Variants in PRUNE2 observed in about 807,000 individuals in gnomAD.
PRUNE2 encodes the protein prune homolog 2 with BCH domain, also known as protein prune homolog 2.
PRUNE2 carries 164 observed loss-of-function variants against 252.0 expected under a neutral mutation model. That is an observed-to-expected ratio of 0.65 (90% CI 0.57 to 0.74). The LOEUF is 0.74. Ranked by LOEUF, PRUNE2 falls within the 30% of genes least tolerant of loss-of-function variation. The pLI is 0.00. For synonymous variants in PRUNE2, 1,292 were observed against 1,350.2 expected (o/e 0.96, Z 0.94); for missense variants, 3,495 against 3,711.0 (o/e 0.94, Z 1.51).
At chr9:76,788,146 C>A (rs928748513) in intron 6 of PRUNE2, among the ~76,000 whole-genome samples, 1 of 152,186 alleles carries the variant, frequency 6.6e-6, no homozygotes, top group Admixed American at 6.5e-5. Flanking sequence ...TTATAACTCA[C>A]AGGACCTATT....
At chr9:76,645,455 T>C (rs1844419215) in intron 11 of PRUNE2, among the ~76,000 whole-genome samples, 1 of 151,288 alleles carries the variant, frequency 6.6e-6, no homozygotes. Flanking sequence ...GGACATAAAT[T>C]TGATATTACT....
rs572475578 is a variant in PRUNE2 at position 76,792,937 on chromosome 9, C to T, written c.756+30695G>A. 1.6e-4 allele frequency among the ~76,000 whole-genome samples: 24 copies of T among 152,242 alleles called. No individual in the cohort carries two copies. In the East Asian group the frequency reaches 4.4e-3, roughly 28 times the overall value. Reference sequence around the variant, plus strand: ...CTAGCAAGGTACTTCATTTTAATTACATTTTCTCTAATGTCCTTGGTGTCC... The same window carrying T: ...CTAGCAAGGTACTTCATTTTAATTATATTTTCTCTAATGTCCTTGGTGTCC... On this transcript the variant is annotated intron_variant, in intron 6 of 18. Coordinates refer to ENST00000376718, the MANE Select transcript of PRUNE2 (RefSeq NM_015225.3).
intron 18 of PRUNE2, 58 bp downstream of exon 18, chr9:76,619,282 G>C: frequency 8.6e-7 from 1 of 1,158,430 alleles, no homozygotes; most frequent in South Asian, 1.3e-5. Flanking sequence ...TTCTTTCAGA[G>C]CCCAGCCATA....
intron 11 of PRUNE2, chr9:76,651,945 G>A (rs1564464937): frequency 6.6e-6 from 1 of 152,334 alleles, no homozygotes; most frequent in South Asian, 2.1e-4. Flanking sequence ...CACTGGGACA[G>A]AGAGTGACTA....
chr9:76,723,906 C>A (rs2047865094), intron 6 of PRUNE2, among the ~76,000 whole-genome samples: 1 of 149,428 alleles, frequency 6.7e-6, no homozygotes, highest in Admixed American at 6.7e-5. Flanking sequence ...CTTCTGGGTT[C>A]ACGCCCTTCT....
intron 1 of PRUNE2, among the ~76,000 whole-genome samples, chr9:76,861,566 G>A (rs575003900): frequency 5.7e-4 from 87 of 152,168 alleles, no homozygotes; most frequent in African/African-American, 1.5e-3. Flanking sequence ...AGTTCCCCCC[G>A]GTCAGGCTTC....
intron 12 of PRUNE2, among the ~76,000 whole-genome samples, chr9:76,640,769 C>T (rs756373219): frequency 3.3e-5 from 5 of 152,204 alleles, no homozygotes; most frequent in African/African-American, 1.2e-4. Flanking sequence ...TCATACCGCA[C>T]AGATAAGCAA....
intron 15 of PRUNE2, among the ~76,000 whole-genome samples, chr9:76,635,401 T>C (rs772241999): frequency 5.3e-4 from 81 of 152,218 alleles, no homozygotes; most frequent in Admixed American, 1.2e-3. Context: ...AAATTATTAA[T>C]TAATTTCGTC....
At chr9:76,894,495 C>T (rs1203421182) in intron 1 of PRUNE2, among the ~76,000 whole-genome samples, 1 of 152,178 alleles carries the variant, frequency 6.6e-6, no homozygotes, top group African/African-American at 2.4e-5. Context: ...TGGCAGGGAG[C>T]AGCTGATCTG....
intron 6 of PRUNE2, among the ~76,000 whole-genome samples, chr9:76,752,445 C>G (rs2050719701): frequency 6.6e-6 from 1 of 152,090 alleles, no homozygotes; most frequent in African/African-American, 2.4e-5. Flanking sequence ...CAGGCAGTTA[C>G]AAAGCCGGGG....
chr9:76,772,591 G>T (rs2053238586), intron 6 of PRUNE2, among the ~76,000 whole-genome samples: 1 of 152,028 alleles, frequency 6.6e-6, no homozygotes, highest in Non-Finnish European at 1.5e-5. Flanking sequence ...TAGAGACAGG[G>T]TCTTGCTTGT....
intron 6 of PRUNE2, among the ~76,000 whole-genome samples, chr9:76,719,473 ACTTTTTTTTAGAAATATATT>A (rs1213265749): frequency 1.3e-5 from 2 of 152,050 alleles, no homozygotes; most frequent in African/African-American, 4.8e-5. Context: ...GCACTATCAA[ACTTTTTTTTAGAAATATATT>A]CTTTTTTTTA....
chr9:76,867,128 G>A (rs755074103), intron 1 of PRUNE2, among the ~76,000 whole-genome samples: 36 of 152,238 alleles, frequency 2.4e-4, no homozygotes, highest in Middle Eastern at 3.4e-3. Context: ...ACAAGGGAAT[G>A]GGTTGTCTGC....
rs1037558767 is a variant in PRUNE2, at chr9:76,703,762, T to C, written c.7851A>G (p.Lys2617=). Residue 2617 remains lysine, a synonymous_variant, in exon 9 of 19, where the codon AAA becomes AAG. Transcript: ENST00000376718. ...KGLSAEKMSS[K]SDTRSSFESP... is the part of the protein sequence containing the mutation. The stretch of plus-strand genomic sequence containing the variant: ...TTTCAAAAGATGATCTCGTATCGCT[T>C]TTAGAAGACATTTTCTCTGCAGAGA... 2 of 1,613,672 alleles carry C rather than the reference T, an allele frequency of 1.2e-6. No individual in the cohort carries two copies. The highest frequency in any genetic ancestry group is 4.5e-5 in the East Asian group (2 of 44,890).
intron 1 of PRUNE2, among the ~76,000 whole-genome samples, chr9:76,864,860 T>C (rs1294678152): frequency 3.3e-5 from 5 of 152,218 alleles, no homozygotes; most frequent in Admixed American, 3.3e-4. Flanking sequence ...GATAGAAATA[T>C]TATGACTGAT....
chr9:76,624,428 C>A (rs774679733), intron 17 of PRUNE2, 24 bp downstream of exon 17: 3 of 1,401,916 alleles, frequency 2.1e-6, no homozygotes, highest in Non-Finnish European at 2.8e-6. Context: ...TCATGCCAGC[C>A]GCTAAACGAA....
chr9:76,832,002 G>T (rs538652160), intron 4 of PRUNE2, among the ~76,000 whole-genome samples: 1 of 152,126 alleles, frequency 6.6e-6, no homozygotes, highest in East Asian at 1.9e-4. Flanking sequence ...AAAACAAGAA[G>T]AATTACATGA....
intron 1 of PRUNE2, among the ~76,000 whole-genome samples, chr9:76,872,807 T>C (rs1253883187): frequency 6.6e-6 from 1 of 152,144 alleles, no homozygotes; most frequent in Non-Finnish European, 1.5e-5. Context: ...TTGATAATTA[T>C]TGAAGGTAAG....
At chr9:76,671,867 C>A (rs1382852764) in intron 9 of PRUNE2, among the ~76,000 whole-genome samples, 1 of 151,790 alleles carries the variant, frequency 6.6e-6, no homozygotes, top group African/African-American at 2.4e-5. Flanking sequence ...GATTTTGTCA[C>A]CACCAGGCCT....
Sources: allele counts gnomAD v4.1 joint callset (sites outside exome capture counted in the v4.1 genomes callset), GRCh38; gene constraint gnomAD v4.1.1; transcripts MANE v1.5; gene names NCBI Gene and HGNC (gene_info 2026-07-23, HGNC 2026-07-21).